The following KIAA0825 variants were observed in gnomAD, a reference collection of about 807,000 sequenced individuals.
KIAA0825 encodes the protein uncharacterized protein KIAA0825.
KIAA0825 carries 119 observed loss-of-function variants against 147.6 expected under a neutral mutation model. That is an observed-to-expected ratio of 0.81 (90% CI 0.69 to 0.94). The LOEUF (loss-of-function observed/expected upper bound fraction) is 0.94, where lower values mean the gene tolerates loss of function less well. Ranked by LOEUF, KIAA0825 falls within the 40% of genes least tolerant of loss-of-function variation. The probability of loss-of-function intolerance (pLI) is 0.00; values close to 1 mark genes in which losing one functional copy is unlikely to be tolerated. For missense variants in KIAA0825, 1,381 were observed against 1,472.7 expected (o/e 0.94, Z 1.02); for synonymous variants, 470 against 518.1 (o/e 0.91, Z 1.26).
Position 94,608,441 on chromosome 5 carries a change from A to ATGTGTGTGTATATGTGTGTGTG in KIAA0825, c.-153+10058_-153+10059insCACACACACATATACACACACA, listed in dbSNP as rs1449664800. Among the ~76,000 whole-genome samples, 347 of 37,934 alleles carry ATGTGTGTGTATATGTGTGTGTG rather than the reference A, an allele frequency of 9.1e-3. 92 individuals are homozygous for ATGTGTGTGTATATGTGTGTGTG. Among genetic ancestry groups the ATGTGTGTGTATATGTGTGTGTG allele is most frequent in the African/African-American group, 0.043 (310 of 7,138 alleles). The allele number at this position is 37,934 out of a possible 152,430, so 24.9% of individuals were successfully genotyped here. A position where few individuals can be genotyped will look rare whatever the true frequency, so the allele number is the denominator to read the frequency against. On this transcript the variant is annotated intron_variant, in intron 1 of 20. Transcript: ENST00000682413. ...CACACCTGGCTAATTTTGTGTGTGT[A>ATGTGTGTGTATATGTGTGTGTG]TGTGTGTGTGTATATATATATATTA...
At chr5:94,169,358 G>C (rs1449930270) in intron 20 of KIAA0825, among the ~76,000 whole-genome samples, 1 of 152,076 alleles carries the variant, frequency 6.6e-6, no homozygotes, top group Non-Finnish European at 1.5e-5. Flanking sequence ...GAGGCAGGTG[G>C]ATCACCTGAG....
At chr5:94,514,274 T>C (rs1041830133) in intron 5 of KIAA0825, among the ~76,000 whole-genome samples, 4 of 152,158 alleles carry the variant, frequency 2.6e-5, no homozygotes, top group Non-Finnish European at 5.9e-5. Context: ...TTTAGATACT[T>C]TTTAAAATAT....
At chr5:94,593,711 A>G (rs980631780) in intron 1 of KIAA0825, 51 of 381,748 alleles carry the variant, frequency 1.3e-4, no homozygotes, top group Admixed American at 2.0e-4. Context: ...CTGCACAAAC[A>G]TTTGGATAAC....
chr5:94,531,971 A>G (rs1206755970), intron 3 of KIAA0825, among the ~76,000 whole-genome samples: 4 of 152,258 alleles, frequency 2.6e-5, no homozygotes, highest in Non-Finnish European at 5.9e-5. Context: ...ATACATATAA[A>G]CAGCCATCAT....
chr5:94,393,868 G>A (rs867117515), intron 17 of KIAA0825, among the ~76,000 whole-genome samples: 9 of 143,272 alleles, frequency 6.3e-5, no homozygotes, highest in Middle Eastern at 3.8e-3. Flanking sequence ...TTTTTTTTGA[G>A]ACAGAGTTTC....
At position 94,472,815 on chromosome 5, in the gene KIAA0825, C is replaced by T. The variant is rs569184365; in HGVS notation, c.1455+477G>A. Among the ~76,000 whole-genome samples, 4 of 152,158 alleles carry T rather than the reference C, an allele frequency of 2.6e-5. No individual in the cohort carries two copies. In the South Asian group the frequency reaches 8.3e-4, roughly 32 times the overall value. Reference sequence around the variant, plus strand: ...GCTGAAATCATTCTGGATTTAATGCCAAGTGACTGTATTTACCTCCTATTT... The same window carrying T: ...GCTGAAATCATTCTGGATTTAATGCTAAGTGACTGTATTTACCTCCTATTT... On this transcript the variant is annotated intron_variant, in intron 8 of 20. Transcript: ENST00000682413.
At chr5:94,525,647 A>G (rs1769132877) in intron 3 of KIAA0825, among the ~76,000 whole-genome samples, 1 of 151,914 alleles carries the variant, frequency 6.6e-6, no homozygotes, top group Non-Finnish European at 1.5e-5. Flanking sequence ...CTCTTTATCA[A>G]AGGTTTTTAT....
At chr5:94,466,216 C>A (rs1435991183) in intron 10 of KIAA0825, among the ~76,000 whole-genome samples, 1 of 151,880 alleles carries the variant, frequency 6.6e-6, no homozygotes, top group African/African-American at 2.4e-5. Flanking sequence ...ATGTATTACT[C>A]TTCTGGTAGT....
intron 20 of KIAA0825, among the ~76,000 whole-genome samples, chr5:94,267,596 T>G (rs1400319650): frequency 6.6e-6 from 1 of 152,134 alleles, no homozygotes; most frequent in Non-Finnish European, 1.5e-5. Context: ...TTACTAGACC[T>G]CAACTTTCCC....
intron 19 of KIAA0825, among the ~76,000 whole-genome samples, chr5:94,385,442 G>C (rs1749005284): frequency 1.3e-5 from 2 of 152,156 alleles, no homozygotes; most frequent in African/African-American, 4.8e-5. Flanking sequence ...AATATTATCT[G>C]CATGCTGAAT....
At chr5:94,280,063 C>T (rs1013433253) in intron 20 of KIAA0825, among the ~76,000 whole-genome samples, 2 of 152,012 alleles carry the variant, frequency 1.3e-5, no homozygotes, top group South Asian at 4.1e-4. Context: ...TGGGGAGTGA[C>T]AGGATTAGTT....
intron 1 of KIAA0825, among the ~76,000 whole-genome samples, chr5:94,587,620 C>G (rs1279336469): frequency 6.6e-6 from 1 of 152,164 alleles, no homozygotes; most frequent in African/African-American, 2.4e-5. Flanking sequence ...GCCATACTCC[C>G]TAAGGTAATT....
chr5:94,390,643 G>C (rs1253462452), intron 18 of KIAA0825, among the ~76,000 whole-genome samples: 1 of 152,062 alleles, frequency 6.6e-6, no homozygotes, highest in East Asian at 1.9e-4. Context: ...ATGAAATCCA[G>C]GAAACAAGAT....
chr5:94,273,322 A>G (rs552207788), intron 20 of KIAA0825, among the ~76,000 whole-genome samples: 1 of 152,300 alleles, frequency 6.6e-6, no homozygotes, highest in African/African-American at 2.4e-5. Flanking sequence ...ATATTAGCTC[A>G]TATTAATCAA....
intron 1 of KIAA0825, among the ~76,000 whole-genome samples, chr5:94,601,646 T>C (rs776748662): frequency 6.6e-6 from 1 of 152,016 alleles, no homozygotes; most frequent in Admixed American, 6.6e-5. Flanking sequence ...AAGCTAAAAA[T>C]CACAATAAAA....
At chr5:94,326,169 T>C (rs888499151) in intron 20 of KIAA0825, among the ~76,000 whole-genome samples, 1 of 152,140 alleles carries the variant, frequency 6.6e-6, no homozygotes, top group African/African-American at 2.4e-5. Flanking sequence ...GGAAAATCAC[T>C]TTACCCACTA....
intron 20 of KIAA0825, among the ~76,000 whole-genome samples, chr5:94,154,812 G>T (rs1000130350): frequency 1.3e-5 from 2 of 152,032 alleles, no homozygotes; most frequent in African/African-American, 4.8e-5. Context: ...ACAATAACCC[G>T]AGCACACTTA....
At chr5:94,473,597 ATTAC>A in intron 7 of KIAA0825, 78 bp from the exon 8 acceptor site, 3 of 888,352 alleles carry the variant, frequency 3.4e-6, no homozygotes, top group Non-Finnish European at 5.2e-6. Context: ...ATATAAAATT[ATTAC>A]TTTCATTCAA....
At chr5:94,427,121 A>G (rs1289753973) in intron 14 of KIAA0825, among the ~76,000 whole-genome samples, 1 of 152,210 alleles carries the variant, frequency 6.6e-6, no homozygotes, top group Non-Finnish European at 1.5e-5. Context: ...CCAAATAGCT[A>G]ATACTAAATA....
Sources: gnomAD v4.1 joint callset for allele counts (sites outside exome capture counted in the v4.1 genomes callset) on GRCh38, gnomAD v4.1.1 for gene constraint, MANE v1.5 for transcripts, NCBI Gene and HGNC (gene_info 2026-07-23, HGNC 2026-07-21) for gene names.